ATP7A: variants seen among roughly 807,000 people sequenced by gnomAD.
ATP7A encodes ATPase copper transporting alpha.
Under a neutral mutation model 83.5 loss-of-function variants are expected in ATP7A, and 7 were observed. The observed-to-expected ratio is 0.08, with a 90% CI of 0.05 to 0.16. The LOEUF is 0.16. Among genes scored for constraint, ATP7A ranks in the 10% least tolerant of loss-of-function variants. ATP7A has a pLI of 1.00. For synonymous variants in ATP7A, 354 were observed against 395.2 expected (o/e 0.90, Z 1.24); for missense variants, 940 against 1,120.8 (o/e 0.84, Z 2.30).
chrX:78,003,047 A>G, intron 5 of ATP7A, 26 bp from the exon 6 acceptor site: 1 of 1,184,879 alleles, frequency 8.4e-7, no homozygotes, highest in Non-Finnish European at 1.1e-6. Context: ...TGTTATCTGT[A>G]TTGTTTTTCT....
At chrX:78,010,857 G>A (rs2077817772) in intron 7 of ATP7A, among the ~76,000 whole-genome samples, 1 of 110,885 alleles carries the variant, frequency 9.0e-6, no homozygotes, top group Admixed American at 9.6e-5. Context: ...GGGATTACAG[G>A]CATGAGCCAC....
At chrX:78,044,700 G>T (rs150626564) in intron 21 of ATP7A, among the ~76,000 whole-genome samples, 1 of 111,550 alleles carries the variant, frequency 9.0e-6, no homozygotes, top group African/African-American at 3.3e-5. Flanking sequence ...ATATAACTGA[G>T]AAAAAAGAAT....
chrX:78,014,133 C>T (rs180810977), intron 10 of ATP7A, among the ~76,000 whole-genome samples: 74 of 110,420 alleles, frequency 6.7e-4, no homozygotes, highest in African/African-American at 2.3e-3. Context: ...TTAGGCTGGG[C>T]GCGGTGGCTC....
In ATP7A at chrX:78,016,735, C is replaced by T. The variant is rs573175631; in HGVS notation, c.2626+854C>T. Among the ~76,000 whole-genome samples the T allele has an allele frequency of 4.4e-4, 50 of 112,462 alleles. No homozygotes were observed. The Middle Eastern group carries it at 0.018, about 41-fold the overall frequency. ...AATCTTAAAGCTCCAAAATGATTTC[C>T]TTTGACTTCATGTCTCACATCCAGG... is the stretch of plus-strand genomic sequence containing the variant. On this transcript the variant is annotated intron_variant, in intron 12 of 22. Transcript: ENST00000341514.
At chrX:78,025,954 A>G (rs1392250740) in intron 14 of ATP7A, among the ~76,000 whole-genome samples, 6 of 111,848 alleles carry the variant, frequency 5.4e-5, no homozygotes, top group Non-Finnish European at 9.4e-5. Flanking sequence ...GAACATGGAA[A>G]CAAAAGAATG....
chrX:77,939,320 C>A (rs2077338003), intron 1 of ATP7A, among the ~76,000 whole-genome samples: 1 of 110,529 alleles, frequency 9.0e-6, no homozygotes, highest in South Asian at 3.8e-4. Context: ...GTACATATAT[C>A]CACTTATTTT....
chrX:78,010,385 C>A (rs947410039), intron 7 of ATP7A, among the ~76,000 whole-genome samples: 1 of 111,548 alleles, frequency 9.0e-6, no homozygotes, highest in Non-Finnish European at 1.9e-5. Flanking sequence ...CAGCATTTCC[C>A]CTAGCAGTTG....
At chrX:78,028,132 CTTACCTT>C (rs1315517258) in intron 14 of ATP7A, among the ~76,000 whole-genome samples, 5 of 109,403 alleles carry the variant, frequency 4.6e-5, no homozygotes, top group African/African-American at 1.7e-4. Context: ...AAGCGATTCT[CTTACCTT>C]AGCCTCCCGA....
At chrX:77,944,480 A>T (rs782127894) in intron 1 of ATP7A, among the ~76,000 whole-genome samples, 1 of 111,492 alleles carries the variant, frequency 9.0e-6, no homozygotes, top group South Asian at 3.7e-4. Flanking sequence ...TCTCTAGCTC[A>T]GGCTGGAGTG....
chrX:78,044,326 C>T (rs2078071052), intron 21 of ATP7A, among the ~76,000 whole-genome samples: 2 of 109,995 alleles, frequency 1.8e-5, no homozygotes, highest in South Asian at 7.8e-4. Context: ...AATCTGTATG[C>T]CTTTCACCTA....
intron 5 of ATP7A, among the ~76,000 whole-genome samples, chrX:78,001,463 C>T (rs1156640512): frequency 1.8e-5 from 2 of 110,644 alleles, no homozygotes; most frequent in Non-Finnish European, 3.8e-5. Context: ...ATAAACAATT[C>T]AATTATATTC....
intron 9 of ATP7A, among the ~76,000 whole-genome samples, chrX:78,012,031 A>AC (rs1371470107): frequency 9.2e-6 from 1 of 108,413 alleles, no homozygotes; most frequent in Non-Finnish European, 1.9e-5. Flanking sequence ...GTGGTCTTGA[A>AC]CTCCTGGGCT....
At chrX:78,043,733 C>T (rs934520519) in intron 21 of ATP7A, among the ~76,000 whole-genome samples, 1 of 102,343 alleles carries the variant, frequency 9.8e-6, no homozygotes, top group Non-Finnish European at 2.0e-5. Flanking sequence ...TCTCGGCTCA[C>T]TGCAGCCTCC....
At chrX:78,006,803 T>C (rs1316548548) in intron 6 of ATP7A, among the ~76,000 whole-genome samples, 1 of 112,546 alleles carries the variant, frequency 8.9e-6, no homozygotes, top group Non-Finnish European at 1.9e-5. Context: ...TATTCATGGT[T>C]GATCCATGTT....
intron 1 of ATP7A, among the ~76,000 whole-genome samples, chrX:77,959,476 G>T (rs1460978085): frequency 3.6e-5 from 4 of 111,315 alleles, no homozygotes; most frequent in Admixed American, 9.6e-5. Context: ...ATTCTTTGTT[G>T]TGAGGGGCTT....
At chrX:77,951,582 C>CTT (rs1281059642) in intron 1 of ATP7A, among the ~76,000 whole-genome samples, 6 of 99,470 alleles carry the variant, frequency 6.0e-5, no homozygotes, top group Non-Finnish European at 1.0e-4. Flanking sequence ...AGCACAAGAC[C>CTT]TTTTTTTTTT....
chrX:77,982,975 T>C (rs140642203), intron 2 of ATP7A, among the ~76,000 whole-genome samples: 250 of 112,073 alleles, frequency 2.2e-3, no homozygotes, highest in Non-Finnish European at 3.9e-3. Context: ...CTGGTGAGGA[T>C]TGACTTCCTG....
At position 77,988,338 on chromosome X, in the gene ATP7A, G is replaced by A. The variant is rs1557231579; in HGVS notation, c.217G>A (p.Ala73Thr). 8.3e-7 allele frequency: 1 copy of A among 1,207,569 alleles called. No individual in the cohort carries two copies. The change falls in exon 3 of 23, where the codon GCT (alanine) becomes ACT (threonine). Residue 73 changes from alanine to threonine, a missense_variant. By Grantham distance (58) the Ala-to-Thr change is moderately conservative. Transcript: ENST00000341514. ...QEAIDDMGFD[A>T]VIHNPDPLPV... ...AGCTATTGATGACATGGGCTTTGAT[G>A]CTGTTATCCATAATCCTGACCCTCT...
chrX:77,931,310 C>T (rs2077272905), intron 1 of ATP7A, among the ~76,000 whole-genome samples: 1 of 110,712 alleles, frequency 9.0e-6, no homozygotes, highest in Non-Finnish European at 1.9e-5. Flanking sequence ...GCACATGTTT[C>T]AGAGAGCACA....
Sources: allele counts gnomAD v4.1 joint callset (sites outside exome capture counted in the v4.1 genomes callset), GRCh38; gene constraint gnomAD v4.1.1; transcripts MANE v1.5; gene names NCBI Gene and HGNC (gene_info 2026-07-23, HGNC 2026-07-21).